EML5: variants seen among roughly 807,000 people sequenced by gnomAD.
EML5 encodes EMAP like 5, also known as echinoderm microtubule-associated protein-like 5.
In EML5, 120 loss-of-function variants were observed where a neutral mutation model predicts 250.0. The ratio of observed to expected loss-of-function variants is 0.48; its 90% CI spans 0.41 to 0.56. EML5 has a LOEUF of 0.56. Among genes scored for constraint, EML5 ranks in the 20% least tolerant of loss-of-function variants. The pLI, the probability that EML5 is intolerant of heterozygous loss-of-function variation, is 0.00. For missense variants in EML5, 2,006 were observed against 2,437.6 expected (o/e 0.82, Z 3.73); for synonymous variants, 771 against 806.5 (o/e 0.96, Z 0.75).
At chr14:88,737,339 C>T (rs543514645) in intron 6 of EML5, among the ~76,000 whole-genome samples, 54 of 152,340 alleles carry the variant, frequency 3.5e-4, no homozygotes, top group African/African-American at 1.2e-3. Context: ...TCCCTTCAAC[C>T]AGACGCCAAC....
At chr14:88,687,864 C>T (rs981216172) in intron 18 of EML5, among the ~76,000 whole-genome samples, 3 of 151,996 alleles carry the variant, frequency 2.0e-5, no homozygotes, top group Admixed American at 6.6e-5. Context: ...TAGCTTAAGC[C>T]CAGGAGTTGG....
intron 22 of EML5, 40 bp downstream of exon 22, chr14:88,665,297 A>G (rs1160564294): frequency 6.3e-7 from 1 of 1,576,720 alleles, no homozygotes. Flanking sequence ...ACACTGCCAG[A>G]CCCAAGTTAA....
chr14:88,775,532 G>T (rs1434232587), intron 1 of EML5, among the ~76,000 whole-genome samples: 2 of 152,080 alleles, frequency 1.3e-5, no homozygotes, highest in African/African-American at 4.8e-5. Flanking sequence ...AGGCTCCTCT[G>T]TCTTTAGAGA....
intron 33 of EML5, among the ~76,000 whole-genome samples, chr14:88,633,566 T>C (rs936616618): frequency 3.3e-5 from 5 of 152,206 alleles, no homozygotes; most frequent in South Asian, 2.1e-4. Context: ...AGATAACAGA[T>C]AGTGCTCAAA....
chr14:88,786,152 T>C (rs771310551), intron 1 of EML5, among the ~76,000 whole-genome samples: 4 of 152,220 alleles, frequency 2.6e-5, no homozygotes, highest in Non-Finnish European at 5.9e-5. Flanking sequence ...CCTCACCTCC[T>C]AGTCTCTACT....
chr14:88,692,580 A>ATTTGGGTATC (rs2092985591), intron 17 of EML5, among the ~76,000 whole-genome samples: 1 of 152,150 alleles, frequency 6.6e-6, no homozygotes, highest in African/African-American at 2.4e-5. Context: ...TATACAAGGG[A>ATTTGGGTATC]CTTGTGCAGC....
intron 1 of EML5, among the ~76,000 whole-genome samples, chr14:88,790,360 TTTG>T (rs1244573500): frequency 5.9e-5 from 9 of 152,218 alleles, no homozygotes; most frequent in Non-Finnish European, 1.2e-4. Flanking sequence ...TTCGAGTATG[TTTG>T]TTGTTTTGTA....
chr14:88,755,056 C>T (rs2094142782), intron 1 of EML5, among the ~76,000 whole-genome samples: 2 of 152,092 alleles, frequency 1.3e-5, no homozygotes, highest in African/African-American at 4.8e-5. Context: ...CCGCCTGCCT[C>T]AGCTTCCAAA....
intron 17 of EML5, among the ~76,000 whole-genome samples, chr14:88,691,769 AT>A (rs1395267880): frequency 6.6e-6 from 1 of 152,204 alleles, no homozygotes; most frequent in African/African-American, 2.4e-5. Flanking sequence ...GTGGATACTT[AT>A]TTCCCAAGTG....
At chr14:88,665,922 T>A (rs936015352) in intron 21 of EML5, among the ~76,000 whole-genome samples, 16 of 150,798 alleles carry the variant, frequency 1.1e-4, no homozygotes, top group African/African-American at 1.2e-4. Context: ...AAAAAAAAAA[T>A]ATTTGCTAAA....
intron 36 of EML5, chr14:88,623,410 T>C (rs964905762): frequency 1.3e-5 from 2 of 152,148 alleles, no homozygotes; most frequent in African/African-American, 2.4e-5. Flanking sequence ...ACAAATGCTA[T>C]GCTACAGAGT....
At position 88,762,308 on chromosome 14, in the gene EML5, C is replaced by A. The variant is rs190995680; in HGVS notation, c.198-7637G>T. Among the ~76,000 whole-genome samples, 232 of 152,066 alleles carry A rather than the reference C, an allele frequency of 1.5e-3. 1 individual carries two copies. Among genetic ancestry groups the A allele is most frequent in the Non-Finnish European group, 1.9e-3 (128 of 67,970 alleles). On this transcript the variant is annotated intron_variant, in intron 1 of 43. Transcript: ENST00000554922. Reference sequence around the variant, plus strand: ...GGTGGATCACCTGAGGTCGGGAGTTCGAGACTAGCCTGACCAACACAGAGA... The same window carrying A: ...GGTGGATCACCTGAGGTCGGGAGTTAGAGACTAGCCTGACCAACACAGAGA...
At position 88,681,991 on chromosome 14, in the gene EML5, G is replaced by A; in HGVS notation, c.3023C>T (p.Pro1008Leu). Residue 1008 changes from proline (P) to leucine (L), a missense_variant, in exon 21 of 44, where the codon CCT (proline) becomes CTT (leucine). By Grantham distance (98) the Pro-to-Leu change is moderately conservative. Transcript: ENST00000554922. Reference protein sequence around the residue: ...EGEVWGLATHPYLPICATVSD... With the variant: ...EGEVWGLATHLYLPICATVSD... ...TACAGTAGCACAGATGGGCAGATAAGGGTGTGTAGCTAAACCCCACACCTC... is the reference window on the plus strand; with the variant it reads ...TACAGTAGCACAGATGGGCAGATAAAGGTGTGTAGCTAAACCCCACACCTC... The A allele has an allele frequency of 6.2e-7, 1 of 1,612,160 alleles. No individual in the cohort carries two copies. The highest frequency in any genetic ancestry group is 2.2e-5 in the East Asian group (1 of 44,778).
intron 2 of EML5, among the ~76,000 whole-genome samples, chr14:88,751,734 G>C (rs568608450): frequency 6.6e-6 from 1 of 152,210 alleles, no homozygotes; most frequent in South Asian, 2.1e-4. Flanking sequence ...GAAGAACACT[G>C]ATATTTAAGA....
chr14:88,621,429 G>T, intron 37 of EML5, 128 bp from the exon 38 acceptor site: 6 of 998,306 alleles, frequency 6.0e-6, no homozygotes, highest in South Asian at 3.0e-5. Context: ...TAGTAGCAAG[G>T]CAGTCATTAG....
chr14:88,633,128 C>T (rs1439139518), intron 33 of EML5, among the ~76,000 whole-genome samples: 2 of 152,130 alleles, frequency 1.3e-5, no homozygotes, highest in Non-Finnish European at 2.9e-5. Context: ...AGCCTGCAGC[C>T]CCCAGATCAT....
At chr14:88,629,386 AATTT>A (rs1331209749) in intron 33 of EML5, among the ~76,000 whole-genome samples, 1 of 152,220 alleles carries the variant, frequency 6.6e-6, no homozygotes, top group African/African-American at 2.4e-5. Context: ...GTGAAACCAG[AATTT>A]ATGTTTTAAA....
At chr14:88,730,198 T>C (rs1345929395) in intron 7 of EML5, among the ~76,000 whole-genome samples, 3 of 152,216 alleles carry the variant, frequency 2.0e-5, no homozygotes, top group Non-Finnish European at 2.9e-5. Context: ...TTAGGTTTAT[T>C]ATGCAATGAC....
At chr14:88,691,418 T>C (rs1049694813) in intron 17 of EML5, among the ~76,000 whole-genome samples, 2 of 152,240 alleles carry the variant, frequency 1.3e-5, no homozygotes, top group African/African-American at 4.8e-5. Context: ...TGGCCATTTA[T>C]GGAAAAAGTT....
Sources: gnomAD v4.1 joint callset for allele counts (sites outside exome capture counted in the v4.1 genomes callset) on GRCh38, gnomAD v4.1.1 for gene constraint, MANE v1.5 for transcripts, NCBI Gene and HGNC (gene_info 2026-07-23, HGNC 2026-07-21) for gene names.